The following FAR2 variants were observed in gnomAD, a reference collection of about 807,000 sequenced individuals.
FAR2 encodes the protein fatty acyl-CoA reductase 2.
Under a neutral mutation model 56.0 loss-of-function variants are expected in FAR2, and 19 were observed. The ratio of observed to expected loss-of-function variants is 0.34; its 90% CI spans 0.24 to 0.50. The LOEUF is 0.50. Ranked by LOEUF, FAR2 falls within the 20% of genes least tolerant of loss-of-function variation. FAR2 has a pLI of 0.98. For synonymous variants in FAR2, 219 were observed against 218.8 expected (o/e 1.00, Z -0.01); for missense variants, 508 against 642.2 (o/e 0.79, Z 2.26).
At chr12:29,322,029 CACA>C in intron 10 of FAR2, 105 bp downstream of exon 10, 1 of 1,318,518 alleles carries the variant, frequency 7.6e-7, no homozygotes, top group Non-Finnish European at 1.0e-6. Flanking sequence ...TGGTTATAGA[CACA>C]GATTTTGTTT....
At chr12:29,166,090 A>C (rs1235321644) in intron 1 of FAR2, among the ~76,000 whole-genome samples, 1 of 152,222 alleles carries the variant, frequency 6.6e-6, no homozygotes, top group African/African-American at 2.4e-5. Context: ...AACAACATCT[A>C]CACTATTTAT....
intron 1 of FAR2, among the ~76,000 whole-genome samples, chr12:29,151,031 G>A (rs1454305988): frequency 1.3e-5 from 2 of 152,192 alleles, no homozygotes; most frequent in Non-Finnish European, 2.9e-5. Flanking sequence ...TCACTTTGGG[G>A]TTTATAAAGC....
At chr12:29,271,957 C>G (rs1192409727) in intron 2 of FAR2, among the ~76,000 whole-genome samples, 4 of 152,166 alleles carry the variant, frequency 2.6e-5, no homozygotes, top group African/African-American at 9.7e-5. Flanking sequence ...GACTCTAAGG[C>G]CAGCACACTT....
chr12:29,278,811 A>G (rs756653336), intron 2 of FAR2, among the ~76,000 whole-genome samples: 5 of 152,188 alleles, frequency 3.3e-5, no homozygotes, highest in Non-Finnish European at 7.3e-5. Flanking sequence ...TCTGGGAAAA[A>G]TGTTTAAAAT....
At chr12:29,258,338 G>A (rs191559236) in intron 1 of FAR2, among the ~76,000 whole-genome samples, 2 of 152,276 alleles carry the variant, frequency 1.3e-5, no homozygotes, top group African/African-American at 4.8e-5. Flanking sequence ...CTGGGTGACA[G>A]AGCGAGACTC....
chr12:29,275,162 G>C (rs1446165112), intron 2 of FAR2, among the ~76,000 whole-genome samples: 1 of 151,694 alleles, frequency 6.6e-6, no homozygotes, highest in Non-Finnish European at 1.5e-5. Flanking sequence ...TCCGAAAAGA[G>C]AGTCAGCGAA....
At chr12:29,297,587 AGTAACTACCT>A (rs1252504113) in intron 4 of FAR2, among the ~76,000 whole-genome samples, 1 of 152,214 alleles carries the variant, frequency 6.6e-6, no homozygotes, top group African/African-American at 2.4e-5. Flanking sequence ...TAGCTCCACC[AGTAACTACCT>A]GTGTGACTGA....
At chr12:29,222,120 A>T (rs1050290951) in intron 1 of FAR2, among the ~76,000 whole-genome samples, 3 of 152,128 alleles carry the variant, frequency 2.0e-5, no homozygotes, top group Admixed American at 6.6e-5. Flanking sequence ...AAGTGCTAGG[A>T]TTACAGGCAT....
chr12:29,241,239 G>A (rs1481403438), intron 1 of FAR2, among the ~76,000 whole-genome samples: 1 of 152,164 alleles, frequency 6.6e-6, no homozygotes, highest in East Asian at 1.9e-4. Flanking sequence ...TTGTATGTAT[G>A]TACACATATG....
At position 29,181,481 on chromosome 12, in the gene FAR2, C is replaced by T. The variant is rs1018776406; in HGVS notation, c.-39+32074C>T. On this transcript the variant is annotated intron_variant, in intron 1 of 11. Transcript: ENST00000536681. ...TGACAACAATGGCTTCTCTGGTCAG[C>T]TTGTGTTTTCACTGCTTCCGGAAAC... Among the ~76,000 whole-genome samples, 44 of 152,318 alleles carry T rather than the reference C, an allele frequency of 2.9e-4. 1 individual carries two copies. The highest frequency in any genetic ancestry group is 9.9e-4 in the African/African-American group (41 of 41,554).
At chr12:29,299,217 A>G (rs866072412) in intron 4 of FAR2, among the ~76,000 whole-genome samples, 7,796 of 125,096 alleles carry the variant, frequency 0.062, 232 homozygotes, top group South Asian at 0.11. Context: ...TTGTCTCAAA[A>G]AAAAAAAAAA....
intron 1 of FAR2, among the ~76,000 whole-genome samples, chr12:29,178,999 C>T (rs1164450857): frequency 6.6e-6 from 1 of 152,084 alleles, no homozygotes; most frequent in African/African-American, 2.4e-5. Flanking sequence ...CTCTCTTTGG[C>T]TGGTAGATGG....
intron 2 of FAR2, chr12:29,277,981 T>TTGGAGTACA (rs1313289961): frequency 7.1e-6 from 1 of 140,594 alleles, no homozygotes; most frequent in Non-Finnish European, 1.5e-5. Context: ...GTTGCCCAGG[T>TTGGAGTACA]TGGAGTACAG....
intron 4 of FAR2, among the ~76,000 whole-genome samples, chr12:29,298,637 G>C (rs1487067719): frequency 6.6e-6 from 1 of 152,158 alleles, no homozygotes; most frequent in Non-Finnish European, 1.5e-5. Context: ...TCAGGATAGT[G>C]GGAGAAAAAG....
At chr12:29,182,795 G>A (rs1163376098) in intron 1 of FAR2, among the ~76,000 whole-genome samples, 2 of 152,122 alleles carry the variant, frequency 1.3e-5, no homozygotes, top group Non-Finnish European at 2.9e-5. Context: ...GGAGAGGGCC[G>A]TTTAGGGGAT....
intron 1 of FAR2, among the ~76,000 whole-genome samples, chr12:29,269,114 G>A: frequency 6.6e-6 from 1 of 152,074 alleles, no homozygotes; most frequent in East Asian, 1.9e-4. Flanking sequence ...TATTAGGCGG[G>A]AATTTCCTCT....
intron 9 of FAR2, among the ~76,000 whole-genome samples, chr12:29,318,806 A>C (rs78309027): frequency 0.042 from 6,388 of 151,998 alleles, 445 homozygotes; most frequent in African/African-American, 0.15. Context: ...AATGAATATC[A>C]GTGTGCATGC....
At chr12:29,199,729 G>A (rs571700962) in intron 1 of FAR2, among the ~76,000 whole-genome samples, 8 of 152,156 alleles carry the variant, frequency 5.3e-5, no homozygotes, top group East Asian at 1.9e-4. Context: ...AAGCACTTGC[G>A]GTAAGAATGT....
chr12:29,313,106 G>C (rs1165031931), intron 8 of FAR2, among the ~76,000 whole-genome samples: 1 of 152,098 alleles, frequency 6.6e-6, no homozygotes, highest in African/African-American at 2.4e-5. Context: ...AAATTAGTTT[G>C]TGTTTCCTAC....
Sources: gnomAD v4.1 joint callset for allele counts (sites outside exome capture counted in the v4.1 genomes callset) on GRCh38, gnomAD v4.1.1 for gene constraint, MANE v1.5 for transcripts, NCBI Gene and HGNC (gene_info 2026-07-23, HGNC 2026-07-21) for gene names.